FGD3: variants seen among roughly 807,000 people sequenced by gnomAD.
FGD3 encodes FYVE, RhoGEF and PH domain-containing protein 3.
Under a neutral mutation model 71.8 loss-of-function variants are expected in FGD3, and 45 were observed. The ratio of observed to expected loss-of-function variants is 0.63; its 90% confidence interval spans 0.49 to 0.80. The LOEUF (loss-of-function observed/expected upper bound fraction) is 0.80. FGD3 is among the 30% of genes least tolerant of loss of function. FGD3 has a pLI of 0.00. For missense variants in FGD3, 844 were observed against 951.5 expected, an observed-to-expected ratio of 0.89 and a Z score of 1.49; for synonymous variants, 378 against 392.8, an observed-to-expected ratio of 0.96 and a Z score of 0.44.
In FGD3 at chr9:93,035,744, G is replaced by A; in HGVS notation, c.*155G>A. On this transcript the variant is annotated 3_prime_UTR_variant, in exon 18 of 18. Transcript: ENST00000375482. ...TGGCTTTGGGGGGAAGGAAACTGAG[G>A]CCCAGAGAGGGGCAACCACTGGCCA... 8.5e-7 allele frequency: 1 copy of A among 1,176,942 alleles called. No individual in the cohort carries two copies. Among genetic ancestry groups the A allele is most frequent in the Non-Finnish European group, 1.1e-6 (1 of 875,732 alleles). 72.9% of individuals were successfully genotyped at this position (1,176,942 alleles called of 1,614,324 possible).
chr9:93,023,524 CGAG>C (rs1245427630), intron 14 of FGD3, among the ~76,000 whole-genome samples: 1 of 152,152 alleles, frequency 6.6e-6, no homozygotes, highest in Admixed American at 6.5e-5. Flanking sequence ...AACACTGAAA[CGAG>C]GAAGTCTGAC....
intron 1 of FGD3, among the ~76,000 whole-genome samples, chr9:92,954,366 A>G (rs1444843338): frequency 6.6e-6 from 1 of 152,186 alleles, no homozygotes; most frequent in Non-Finnish European, 1.5e-5. Flanking sequence ...AGAGTAACTC[A>G]ACATGGGCAC....
chr9:93,035,918 T>C lies in FGD3; in HGVS notation c.*329T>C. On this transcript the variant is annotated 3_prime_UTR_variant, in exon 18 of 18. Transcript: ENST00000375482. ...AGGCAGAAAGAGGCAGCATGGGCAC[T>C]GCCAGGGACAGCCACATCCTGCTGG... The C allele has an allele frequency of 3.3e-6, 1 of 300,224 alleles. No homozygotes were observed. The highest frequency in any genetic ancestry group is 6.2e-6 in the Non-Finnish European group (1 of 161,612). 18.6% of individuals were successfully genotyped at this position (300,224 alleles called of 1,614,324 possible). A position where few individuals can be genotyped will look rare whatever the true frequency, so the allele number is the denominator to read the frequency against.
At chr9:92,988,695 CAT>C (rs1330627293) in intron 3 of FGD3, among the ~76,000 whole-genome samples, 2 of 152,212 alleles carry the variant, frequency 1.3e-5, no homozygotes, top group African/African-American at 2.4e-5. Flanking sequence ...ACCATAAACA[CAT>C]ATTTACCATA....
chr9:93,004,199 T>G, intron 5 of FGD3, 62 bp downstream of exon 5: 1 of 1,594,374 alleles, frequency 6.3e-7, no homozygotes, highest in Non-Finnish European at 8.5e-7. Context: ...AGGGTTCATG[T>G]GCCTGAGAGC....
intron 6 of FGD3, among the ~76,000 whole-genome samples, chr9:93,007,018 C>T (rs371698730): frequency 5.3e-5 from 8 of 151,960 alleles, no homozygotes; most frequent in South Asian, 4.2e-4. Flanking sequence ...TGAGCCACCG[C>T]GCCCCGCCTG....
intron 15 of FGD3, among the ~76,000 whole-genome samples, chr9:93,030,559 T>TTAAG (rs148878967): frequency 1.1e-3 from 169 of 152,308 alleles, no homozygotes; most frequent in African/African-American, 4.0e-3. Context: ...AACTGATCAT[T>TTAAG]TAAGTATCTT....
chr9:92,987,502 G>C (rs1380389749), intron 3 of FGD3, among the ~76,000 whole-genome samples: 3 of 152,072 alleles, frequency 2.0e-5, no homozygotes, highest in Non-Finnish European at 2.9e-5. Flanking sequence ...ATGGTGTTAG[G>C]TTTTAGCCCT....
At chr9:92,954,998 C>T (rs936763936) in intron 1 of FGD3, among the ~76,000 whole-genome samples, 34 of 152,262 alleles carry the variant, frequency 2.2e-4, no homozygotes, top group East Asian at 1.5e-3. Context: ...TCTATGTGTC[C>T]GAGAGCCAGC....
intron 8 of FGD3, among the ~76,000 whole-genome samples, chr9:93,011,624 G>A (rs564473808): frequency 2.6e-5 from 4 of 152,292 alleles, no homozygotes; most frequent in South Asian, 2.1e-4. Context: ...TTGGGAGGCC[G>A]AGGCGGGCGG....
intron 1 of FGD3, among the ~76,000 whole-genome samples, chr9:92,972,619 A>G (rs1183757559): frequency 1.3e-5 from 2 of 152,204 alleles, no homozygotes; most frequent in Admixed American, 1.3e-4. Flanking sequence ...CTTGTTTTAC[A>G]TTGAGCTTCT....
At chr9:92,978,673 TC>T (rs1214053763) in intron 3 of FGD3, among the ~76,000 whole-genome samples, 1 of 23,230 alleles carries the variant, frequency 4.3e-5, no homozygotes, top group Non-Finnish European at 8.3e-5. Context: ...TCCCCTCCCC[TC>T]CCCCCTCTTC....
At chr9:93,005,867 A>G (rs954143484) in intron 5 of FGD3, among the ~76,000 whole-genome samples, 157 bp from the exon 6 acceptor site, 1 of 152,178 alleles carries the variant, frequency 6.6e-6, no homozygotes, top group Non-Finnish European at 1.5e-5. Context: ...TACATGACAT[A>G]GGGGAGGAAG....
chr9:92,982,237 G>A (rs1860026055), intron 3 of FGD3, among the ~76,000 whole-genome samples: 2 of 152,152 alleles, frequency 1.3e-5, no homozygotes, highest in African/African-American at 4.8e-5. Flanking sequence ...AATATGTGGT[G>A]TTTAACTTTC....
chr9:93,035,658 G>A lies in FGD3; in HGVS notation c.*69G>A, dbSNP rs981493243. On this transcript the variant is annotated 3_prime_UTR_variant, in exon 18 of 18. Coordinates refer to ENST00000375482, the MANE Select transcript of FGD3 (RefSeq NM_001083536.2). Reference sequence around the variant, plus strand: ...GCTGTCCTGGGAGGTGGTGTTGGAGGCCCCATGAAGAGCGCCCTGGACTGC... The same window carrying A: ...GCTGTCCTGGGAGGTGGTGTTGGAGACCCCATGAAGAGCGCCCTGGACTGC... 6.6e-7 allele frequency: 1 copy of A among 1,509,916 alleles called. No individual in the cohort carries two copies. The highest frequency in any genetic ancestry group is 2.3e-5 in the East Asian group (1 of 43,648). The allele number at this position is 1,509,916 out of a possible 1,614,324, so 93.5% of individuals were successfully genotyped here. A position where few individuals can be genotyped will look rare whatever the true frequency, so the allele number is the denominator to read the frequency against.
At chr9:93,028,995 G>GTTTTTTTTTTTTTTTTTT (rs869235976) in intron 14 of FGD3, among the ~76,000 whole-genome samples, 1 of 51,716 alleles carries the variant, frequency 1.9e-5, no homozygotes, top group Non-Finnish European at 3.7e-5. Flanking sequence ...TGTCCTCACA[G>GTTTTTTTTTTTTTTTTTT]TTTTTTTTTT....
chr9:93,029,982 A>G lies in FGD3; in HGVS notation c.1666A>G (p.Lys556Glu). ...CATCACCAAGAGGAGGCATCACTGC[A>G]AGCTGTGTGGGGCGGTGAGTCCCGG... ...NSITKRRHHC[K>E]LCGAVICGKC... Residue 556 changes from lysine to glutamate, a missense_variant, in exon 15 of 18, where the codon AAG becomes GAG. Lys to Glu is a moderately conservative substitution (Grantham distance 56). Coordinates refer to ENST00000375482, the MANE Select transcript of FGD3 (RefSeq NM_001083536.2). 1 of 1,612,706 alleles carries G rather than the reference A, an allele frequency of 6.2e-7. No homozygotes were observed. The highest frequency in any genetic ancestry group is 1.1e-5 in the South Asian group (1 of 91,038).
intron 14 of FGD3, among the ~76,000 whole-genome samples, chr9:93,024,491 C>T (rs1341368860): frequency 1.3e-5 from 2 of 152,250 alleles, no homozygotes; most frequent in African/African-American, 2.4e-5. Flanking sequence ...TGTCCAGCCC[C>T]GGGCCCTGGG....
intron 3 of FGD3, among the ~76,000 whole-genome samples, chr9:92,981,244 T>G (rs1351708952): frequency 6.6e-6 from 1 of 151,640 alleles, no homozygotes; most frequent in Non-Finnish European, 1.5e-5. Flanking sequence ...GGTGGGCACC[T>G]GTAGTCCCAG....
Sources: allele counts gnomAD v4.1 joint callset (sites outside exome capture counted in the v4.1 genomes callset), GRCh38; gene constraint gnomAD v4.1.1; transcripts MANE v1.5; gene names NCBI Gene and HGNC (gene_info 2026-07-23, HGNC 2026-07-21).